Variants in UHRF2 observed in about 807,000 individuals in gnomAD.
The protein encoded by UHRF2 is E3 ubiquitin-protein ligase UHRF2.
UHRF2 carries 23 observed loss-of-function variants against 96.8 expected under a neutral mutation model. That is an observed-to-expected ratio of 0.24 (90% CI 0.17 to 0.34). The LOEUF (loss-of-function observed/expected upper bound fraction) is 0.34. Among genes scored for constraint, UHRF2 ranks in the 10% least tolerant of loss-of-function variants. The pLI is 1.00. For synonymous variants in UHRF2, 385 were observed against 332.6 expected (o/e 1.16, Z -1.72); for missense variants, 685 against 981.5 (o/e 0.70, Z 4.04).
chr9:6,416,412 G>A (rs184021116), intron 1 of UHRF2, among the ~76,000 whole-genome samples: 1 of 152,078 alleles, frequency 6.6e-6, no homozygotes, highest in East Asian at 1.9e-4. Flanking sequence ...GCAATTCAGG[G>A]CTATAAGTTT....
intron 15 of UHRF2, among the ~76,000 whole-genome samples, chr9:6,505,718 C>T (rs974075779): frequency 6.6e-6 from 1 of 152,196 alleles, no homozygotes; most frequent in African/African-American, 2.4e-5. Context: ...TTAGAAAGGA[C>T]AGGGTTGAAA....
intron 15 of UHRF2, among the ~76,000 whole-genome samples, chr9:6,505,330 C>T (rs1020181901): frequency 6.6e-6 from 1 of 152,060 alleles, no homozygotes; most frequent in Non-Finnish European, 1.5e-5. Flanking sequence ...GAATCTCACT[C>T]TGTCGTTCAG....
intron 3 of UHRF2, among the ~76,000 whole-genome samples, chr9:6,455,065 A>C (rs1416674327): frequency 6.6e-6 from 1 of 152,218 alleles, no homozygotes; most frequent in Non-Finnish European, 1.5e-5. Flanking sequence ...TTTTAAGAGT[A>C]AGAACCAGAT....
At chr9:6,470,009 TGACCAA>T (rs1823144770) in intron 4 of UHRF2, among the ~76,000 whole-genome samples, 1 of 152,114 alleles carries the variant, frequency 6.6e-6, no homozygotes, top group South Asian at 2.1e-4. Context: ...ACAGTGAAGA[TGACCAA>T]GTTTTCATTA....
At chr9:6,451,799 T>TG (rs71328187) in intron 3 of UHRF2, among the ~76,000 whole-genome samples, 17 of 151,116 alleles carry the variant, frequency 1.1e-4, no homozygotes, top group Non-Finnish European at 2.1e-4. Flanking sequence ...TTGTTGTTGT[T>TG]TTTGAGACAG....
chr9:6,455,070 C>T (rs182848910), intron 3 of UHRF2, among the ~76,000 whole-genome samples: 1 of 152,212 alleles, frequency 6.6e-6, no homozygotes, highest in Admixed American at 6.5e-5. Context: ...AGAGTAAGAA[C>T]CAGATGTTAC....
chr9:6,466,212 C>T (rs560493305), intron 4 of UHRF2, among the ~76,000 whole-genome samples: 4 of 152,074 alleles, frequency 2.6e-5, no homozygotes, highest in East Asian at 3.9e-4. Flanking sequence ...ACCAGCCTGG[C>T]CAGCAGGGTG....
intron 3 of UHRF2, among the ~76,000 whole-genome samples, chr9:6,441,389 GAAA>G (rs201426021): frequency 1.9e-4 from 26 of 137,936 alleles, no homozygotes; most frequent in Admixed American, 1.7e-3. Context: ...CTCCCAAAAA[GAAA>G]AAAAAAAAAG....
Position 6,481,279 on chromosome 9 carries a change from C to T in UHRF2, c.1161-364C>T, listed in dbSNP as rs571238143. Among the ~76,000 whole-genome samples the T allele has an allele frequency of 2.0e-5, 3 of 152,230 alleles. No homozygotes were observed. The South Asian group carries it at 6.2e-4, about 32-fold the overall frequency. ...TTTAGATGGGGAGTTGTATCTGTTACACAGTTGAATGTTCTAGGAAGATCT... is the reference window on the plus strand; with the variant it reads ...TTTAGATGGGGAGTTGTATCTGTTATACAGTTGAATGTTCTAGGAAGATCT... On this transcript the variant is annotated intron_variant, in intron 6 of 15. Transcript: ENST00000276893.
intron 1 of UHRF2, chr9:6,415,250 C>T (rs1220699257): frequency 6.6e-6 from 1 of 152,206 alleles, no homozygotes; most frequent in East Asian, 1.9e-4. Context: ...CTAGGAAGCT[C>T]ATTCCAGATT....
intron 14 of UHRF2, among the ~76,000 whole-genome samples, chr9:6,504,096 G>T (rs1816454390): frequency 7.3e-6 from 1 of 137,468 alleles, no homozygotes; most frequent in Admixed American, 8.2e-5. Context: ...CGTGATCTCA[G>T]CTCACTGCAA....
intron 2 of UHRF2, among the ~76,000 whole-genome samples, chr9:6,430,412 C>T (rs917558185): frequency 6.6e-6 from 1 of 152,118 alleles, no homozygotes; most frequent in Non-Finnish European, 1.5e-5. Context: ...AACTCCTCTC[C>T]TCCCCATATT....
At chr9:6,439,278 G>A (rs754079931) in intron 3 of UHRF2, among the ~76,000 whole-genome samples, 14 of 152,194 alleles carry the variant, frequency 9.2e-5, no homozygotes, top group African/African-American at 3.1e-4. Flanking sequence ...TCTGTCTCCC[G>A]GGTTCAAACG....
intron 1 of UHRF2, among the ~76,000 whole-genome samples, chr9:6,419,660 C>T (rs1182945176): frequency 6.6e-6 from 1 of 152,116 alleles, no homozygotes; most frequent in Non-Finnish European, 1.5e-5. Context: ...AAACATAAAA[C>T]TTGAGAAATT....
In UHRF2 at chr9:6,413,347, C is replaced by A; in HGVS notation, c.-144C>A. ...GAGAGTCGTCGCCGCCTGTCGGGCC[C>A]GGCGTCCGGTCGGTCCGGTGGGCGC... On this transcript the variant is annotated 5_prime_UTR_variant, in exon 1 of 16. Coordinates refer to ENST00000276893, the MANE Select transcript of UHRF2 (RefSeq NM_152896.3). 2.5e-6 allele frequency: 2 copies of A among 798,100 alleles called. No individual in the cohort carries two copies. The highest frequency in any genetic ancestry group is 3.2e-6 in the Non-Finnish European group (2 of 617,234). The allele number at this position is 798,100 out of a possible 1,614,324, so 49.4% of individuals were successfully genotyped here. A position where few individuals can be genotyped will look rare whatever the true frequency, so the allele number is the denominator to read the frequency against.
intron 2 of UHRF2, 90 bp downstream of exon 2, chr9:6,421,232 C>T (rs921429158): frequency 2.0e-6 from 2 of 998,820 alleles, no homozygotes; most frequent in Non-Finnish European, 2.9e-6. Flanking sequence ...ACATTGATTG[C>T]CATTTGAAAG....
chr9:6,413,690 G>C lies in UHRF2; in HGVS notation c.153+47G>C, dbSNP rs759285458. The C allele has an allele frequency of 9.4e-6, 14 of 1,495,682 alleles. No homozygotes were observed. In the African/African-American group the frequency reaches 1.9e-4, roughly 20 times the overall value. 92.7% of individuals were successfully genotyped at this position (1,495,682 alleles called of 1,614,324 possible). On this transcript the variant is annotated intron_variant, in intron 1 of 15. Transcript: ENST00000276893. ...CCTAGCGAGGCTGGGGGCCGGAACA[G>C]CTGGGCTCCTCTGGACGCACCGGTC...
At chr9:6,442,064 C>G (rs1022111815) in intron 3 of UHRF2, among the ~76,000 whole-genome samples, 3 of 152,110 alleles carry the variant, frequency 2.0e-5, no homozygotes, top group Admixed American at 1.3e-4. Flanking sequence ...CTCCTGGGTT[C>G]AACAATTCTC....
At chr9:6,485,726 G>T (rs1472546781) in intron 8 of UHRF2, among the ~76,000 whole-genome samples, 3 of 147,972 alleles carry the variant, frequency 2.0e-5, no homozygotes, top group Non-Finnish European at 4.5e-5. Flanking sequence ...CACTATTGGG[G>T]GCTGAGGCTG....
Sources: gnomAD v4.1 joint callset for allele counts (sites outside exome capture counted in the v4.1 genomes callset) on GRCh38, gnomAD v4.1.1 for gene constraint, MANE v1.5 for transcripts, NCBI Gene and HGNC (gene_info 2026-07-23, HGNC 2026-07-21) for gene names.